The following RNF115 variants were observed in gnomAD, a reference collection of about 807,000 sequenced individuals.
The protein encoded by RNF115 is ring finger protein 115, also known as E3 ubiquitin-protein ligase RNF115.
Under a neutral mutation model 39.2 loss-of-function variants are expected in RNF115, and 31 were observed. The ratio of observed to expected loss-of-function variants is 0.79; its 90% CI spans 0.59 to 1.07. RNF115 has a LOEUF of 1.07. Ranked by LOEUF, RNF115 falls within the 50% of genes least tolerant of loss-of-function variation. The probability of loss-of-function intolerance (pLI) is 0.00; values close to 1 mark genes in which losing one functional copy is unlikely to be tolerated. For missense variants in RNF115, 384 were observed against 381.7 expected, an observed-to-expected ratio of 1.01 and a Z score of -0.05; for synonymous variants, 124 against 131.0, an observed-to-expected ratio of 0.95 and a Z score of 0.37.
chr1:145,789,994 A>C (rs1427604076), intron 1 of RNF115, among the ~76,000 whole-genome samples: 1 of 151,902 alleles, frequency 6.6e-6, no homozygotes, highest in Non-Finnish European at 1.5e-5. Context: ...CACCACGCCC[A>C]GTCCCGGCCT....
chr1:145,746,858 C>T lies in RNF115; in HGVS notation c.*8G>A. The T allele has an allele frequency of 6.2e-7, 1 of 1,613,828 alleles. No homozygotes were observed. The highest frequency in any genetic ancestry group is 8.5e-7 in the Non-Finnish European group (1 of 1,179,812). Reference sequence around the variant, plus strand: ...ACCACAGCCCTGATTCAGGTGTGGTCTTTAGCTTCAGAAAGTCCATCGGTC... The same window carrying T: ...ACCACAGCCCTGATTCAGGTGTGGTTTTTAGCTTCAGAAAGTCCATCGGTC... On this transcript the variant is annotated 3_prime_UTR_variant, in exon 9 of 9. Transcript: ENST00000582693.
At chr1:145,806,585 C>T (rs1553721600) in intron 1 of RNF115, among the ~76,000 whole-genome samples, 3 of 152,006 alleles carry the variant, frequency 2.0e-5, no homozygotes, top group Non-Finnish European at 4.4e-5. Flanking sequence ...AGGTCATGGA[C>T]GCAGATCCCT....
chr1:145,790,841 T>C (rs1391610684), intron 1 of RNF115, among the ~76,000 whole-genome samples: 3 of 152,122 alleles, frequency 2.0e-5, no homozygotes, highest in African/African-American at 7.2e-5. Context: ...ATGATGGGTA[T>C]AGAAACTGCT....
At chr1:145,797,210 T>A (rs1649026271) in intron 1 of RNF115, among the ~76,000 whole-genome samples, 1 of 152,180 alleles carries the variant, frequency 6.6e-6, no homozygotes, top group South Asian at 2.1e-4. Context: ...CCCTGCTATA[T>A]AAGCCCTTAA....
chr1:145,754,795 T>C (rs587756364), intron 4 of RNF115, among the ~76,000 whole-genome samples: 1 of 152,346 alleles, frequency 6.6e-6, no homozygotes, highest in Admixed American at 6.5e-5. Context: ...GAATTCATTG[T>C]GTTTTCTTTT....
intron 4 of RNF115, among the ~76,000 whole-genome samples, chr1:145,766,116 G>C (rs1647255827): frequency 1.3e-5 from 2 of 152,090 alleles, no homozygotes; most frequent in Admixed American, 1.3e-4. Flanking sequence ...AAGGTCTCTG[G>C]TTTTCCTAGG....
rs896586281 is a variant in RNF115 at position 145,823,899 on chromosome 1, A to G, written c.-26T>C. On this transcript the variant is annotated 5_prime_UTR_variant, in exon 1 of 9. Transcript: ENST00000582693. ...TTTTGCCCTCCGCCGCGGCCGTCCG[A>G]GAGGGCAGCCGGCCCGTCCCTCGCC... 6 of 1,483,160 alleles carry G rather than the reference A, an allele frequency of 4.0e-6. No homozygotes were observed. The highest frequency in any genetic ancestry group is 1.3e-5 in the South Asian group (1 of 79,164). 91.9% of individuals were successfully genotyped at this position (1,483,160 alleles called of 1,614,324 possible).
intron 4 of RNF115, among the ~76,000 whole-genome samples, chr1:145,758,645 G>A (rs2101484346): frequency 6.6e-6 from 1 of 152,290 alleles, no homozygotes; most frequent in South Asian, 2.1e-4. Context: ...TAATAATCAA[G>A]TTTGAGAGAT....
At chr1:145,751,357 A>T in intron 6 of RNF115, 81 bp downstream of exon 6, 1 of 981,820 alleles carries the variant, frequency 1.0e-6, no homozygotes, top group Non-Finnish European at 1.5e-6. Flanking sequence ...CTGCCATTTC[A>T]GAAAGTAGCA....
At chr1:145,766,233 A>C (rs2929824) in intron 4 of RNF115, among the ~76,000 whole-genome samples, 6,937 of 152,210 alleles carry the variant, frequency 0.046, 548 homozygotes, top group African/African-American at 0.16. Flanking sequence ...CTGTTTAACA[A>C]AGCACATCTT....
At chr1:145,756,473 A>C (rs1161242431) in intron 4 of RNF115, among the ~76,000 whole-genome samples, 1 of 152,104 alleles carries the variant, frequency 6.6e-6, no homozygotes, top group Non-Finnish European at 1.5e-5. Context: ...AAAAACAAAA[A>C]AAACACAACC....
chr1:145,765,432 T>TA (rs587612036), intron 4 of RNF115, among the ~76,000 whole-genome samples: 9 of 150,258 alleles, frequency 6.0e-5, no homozygotes, highest in Non-Finnish European at 1.0e-4. Flanking sequence ...AAAAAAAAAT[T>TA]AAAAAAAAAT....
intron 1 of RNF115, among the ~76,000 whole-genome samples, chr1:145,799,762 G>GT (rs1485201760): frequency 6.6e-5 from 10 of 152,206 alleles, no homozygotes; most frequent in African/African-American, 1.9e-4. Context: ...CTGGCTAATT[G>GT]TGTTTATTTT....
intron 5 of RNF115, among the ~76,000 whole-genome samples, chr1:145,751,882 C>G (rs1658101400): frequency 6.6e-6 from 1 of 152,146 alleles, no homozygotes; most frequent in Non-Finnish European, 1.5e-5. Context: ...CATGACTGGT[C>G]AAAATCTACA....
intron 1 of RNF115, among the ~76,000 whole-genome samples, chr1:145,793,004 A>G (rs1372179328): frequency 6.6e-6 from 1 of 152,008 alleles, no homozygotes; most frequent in Non-Finnish European, 1.5e-5. Flanking sequence ...GAAAGCTGCA[A>G]CTCCATCCCT....
intron 1 of RNF115, among the ~76,000 whole-genome samples, chr1:145,819,304 C>T (rs1254703050): frequency 7.6e-6 from 1 of 132,394 alleles, no homozygotes; most frequent in African/African-American, 2.8e-5. Flanking sequence ...AAAAAAACAG[C>T]CAGGTGTGGT....
Position 145,774,332 on chromosome 1 carries a change from G to C in RNF115, c.220-2413C>G, listed in dbSNP as rs183487417. Reference sequence around the variant, plus strand: ...TTTTTTTTGGTGTTTTAGAAATCCAGACATTTCTTTCTTTTTTTTTCTTTT... The same window carrying C: ...TTTTTTTTGGTGTTTTAGAAATCCACACATTTCTTTCTTTTTTTTTCTTTT... On this transcript the variant is annotated intron_variant, in intron 3 of 8. Coordinates refer to ENST00000582693, the MANE Select transcript of RNF115 (RefSeq NM_014455.4). Among the ~76,000 whole-genome samples the C allele has an allele frequency of 3.3e-5, 5 of 149,338 alleles. No individual in the cohort carries two copies. In the East Asian group the frequency reaches 9.8e-4, roughly 29 times the overall value.
chr1:145,793,721 C>T (rs1648793623), intron 1 of RNF115, among the ~76,000 whole-genome samples: 1 of 152,158 alleles, frequency 6.6e-6, no homozygotes, highest in Admixed American at 6.5e-5. Flanking sequence ...CACCTCCCAC[C>T]ACTAAGTCCT....
chr1:145,763,561 T>C (rs1450675977), intron 4 of RNF115, among the ~76,000 whole-genome samples: 1 of 152,046 alleles, frequency 6.6e-6, no homozygotes, highest in African/African-American at 2.4e-5. Context: ...TTTCCAGGCA[T>C]GGTGGCTCAT....
Sources: allele counts gnomAD v4.1 joint callset (sites outside exome capture counted in the v4.1 genomes callset), GRCh38; gene constraint gnomAD v4.1.1; transcripts MANE v1.5; gene names NCBI Gene and HGNC (gene_info 2026-07-23, HGNC 2026-07-21).